The following PRICKLE2 variants were observed in gnomAD, a reference collection of about 807,000 sequenced individuals.
The protein encoded by PRICKLE2 is prickle-like protein 2.
Under a neutral mutation model 81.4 loss-of-function variants are expected in PRICKLE2, and 21 were observed. The ratio of observed to expected loss-of-function variants is 0.26; its 90% confidence interval spans 0.18 to 0.37. PRICKLE2 has a LOEUF of 0.37. PRICKLE2 is among the 10% of genes least tolerant of loss of function. The pLI, the probability that PRICKLE2 is intolerant of heterozygous loss-of-function variation, is 1.00. For synonymous variants in PRICKLE2, 456 were observed against 421.5 expected (o/e 1.08, Z -1.00); for missense variants, 940 against 1,109.0 (o/e 0.85, Z 2.16).
At chr3:64,100,288 G>A (rs1199640937) in intron 7 of PRICKLE2, 2 of 282,850 alleles carry the variant, frequency 7.1e-6, no homozygotes, top group African/African-American at 2.2e-5. Flanking sequence ...TTCTAATCAT[G>A]CACTATAAGC....
chr3:64,265,475 G>C (rs200721548), intron 2 of PRICKLE2, among the ~76,000 whole-genome samples: 2 of 152,278 alleles, frequency 1.3e-5, no homozygotes, highest in East Asian at 3.9e-4. Flanking sequence ...TGCTTAATGT[G>C]ACTGAGTACT....
chr3:64,265,232 C>A (rs1206783210), intron 2 of PRICKLE2, among the ~76,000 whole-genome samples: 1 of 152,118 alleles, frequency 6.6e-6, no homozygotes. Flanking sequence ...AAAAGAATTC[C>A]TCACCATTCA....
chr3:64,171,661 C>T (rs2077933867), intron 2 of PRICKLE2, among the ~76,000 whole-genome samples: 1 of 152,222 alleles, frequency 6.6e-6, no homozygotes, highest in African/African-American at 2.4e-5. Flanking sequence ...TCTTACCTTT[C>T]TAGCTGTCTG....
At chr3:64,175,224 AGAT>A (rs2078002881) in intron 2 of PRICKLE2, 1 of 157,054 alleles carries the variant, frequency 6.4e-6, no homozygotes, top group Admixed American at 6.5e-5. Context: ...AGCATTTCAA[AGAT>A]GATTATTTTT....
chr3:64,197,621 T>C (rs1361417759), intron 2 of PRICKLE2, among the ~76,000 whole-genome samples: 1 of 152,172 alleles, frequency 6.6e-6, no homozygotes, highest in East Asian at 1.9e-4. Context: ...AAATACTGCA[T>C]GTTCTCATGC....
chr3:64,164,428 C>T (rs776093693), intron 2 of PRICKLE2, among the ~76,000 whole-genome samples: 6 of 152,068 alleles, frequency 3.9e-5, no homozygotes, highest in Non-Finnish European at 7.4e-5. Flanking sequence ...TTTAGGGAGC[C>T]GTGGGTATGA....
At chr3:64,185,378 C>T (rs1323878074) in intron 2 of PRICKLE2, among the ~76,000 whole-genome samples, 1 of 152,160 alleles carries the variant, frequency 6.6e-6, no homozygotes, top group African/African-American at 2.4e-5. Flanking sequence ...AAGTCAGTCC[C>T]CAAGCTAGAT....
At chr3:64,135,714 ACACACACACG>A (rs932382939) in intron 7 of PRICKLE2, among the ~76,000 whole-genome samples, 6 of 130,936 alleles carry the variant, frequency 4.6e-5, no homozygotes, top group African/African-American at 1.6e-4. Flanking sequence ...ACACACACAC[ACACACACACG>A]CACACACACC....
At chr3:64,264,749 G>C (rs1220897828) in intron 2 of PRICKLE2, among the ~76,000 whole-genome samples, 1 of 152,152 alleles carries the variant, frequency 6.6e-6, no homozygotes, top group Non-Finnish European at 1.5e-5. Context: ...AGATCAAATA[G>C]TAGCTGTTTT....
chr3:64,144,518 C>T (rs887375832), intron 7 of PRICKLE2, among the ~76,000 whole-genome samples: 3 of 152,234 alleles, frequency 2.0e-5, no homozygotes, highest in African/African-American at 7.2e-5. Context: ...AGTGGCCGTC[C>T]CCTTCAAATG....
rs1319486626 is a variant in PRICKLE2, at chr3:64,198,999, A to G, written c.-40-32T>C. On this transcript the variant is annotated intron_variant, in intron 1 of 7. Coordinates refer to ENST00000638394, the MANE Select transcript of PRICKLE2 (RefSeq NM_198859.4). ...GCAGTAAAGGTAGAAGGTGAGAAAG[A>G]GGAAAAAACCTTTTTTTTTTTCCAA... The G allele has an allele frequency of 3.1e-6, 5 of 1,607,084 alleles. No individual in the cohort carries two copies. The Admixed American group carries it at 8.3e-5, about 27-fold the overall frequency.
rs1249073957 is a variant in PRICKLE2 at position 64,096,701 on chromosome 3, A to G, written c.*2350T>C. Reference sequence around the variant, plus strand: ...CTCCAGACCCCTCCGGGCACTGGCCATGTGTCAGTTTTTAGGCCACCTTCT... The same window carrying G: ...CTCCAGACCCCTCCGGGCACTGGCCGTGTGTCAGTTTTTAGGCCACCTTCT... On this transcript the variant is annotated 3_prime_UTR_variant, in exon 8 of 8. Coordinates refer to ENST00000638394, the MANE Select transcript of PRICKLE2 (RefSeq NM_198859.4). The G allele has an allele frequency of 6.6e-6, 1 of 152,534 alleles. No individual in the cohort carries two copies. The highest frequency in any genetic ancestry group is 1.5e-5 in the Non-Finnish European group (1 of 68,024). The allele number at this position is 152,534 out of a possible 1,614,324, so 9.4% of individuals were successfully genotyped here. A position where few individuals can be genotyped will look rare whatever the true frequency, so the allele number is the denominator to read the frequency against.
chr3:64,175,733 T>C (rs974636629), intron 2 of PRICKLE2, among the ~76,000 whole-genome samples: 3 of 152,192 alleles, frequency 2.0e-5, no homozygotes, highest in Non-Finnish European at 4.4e-5. Context: ...TTTTCTTTGC[T>C]GGTGTTCAAT....
intron 3 of PRICKLE2, among the ~76,000 whole-genome samples, chr3:64,161,668 A>G (rs1428423467): frequency 1.3e-5 from 2 of 151,508 alleles, no homozygotes; most frequent in Non-Finnish European, 2.9e-5. Context: ...ACAAACCACT[A>G]AAATCAGAGA....
At chr3:64,204,449 C>A (rs189546007) in intron 1 of PRICKLE2, among the ~76,000 whole-genome samples, 137 of 152,134 alleles carry the variant, frequency 9.0e-4, no homozygotes, top group Admixed American at 1.8e-3. Flanking sequence ...GTTGATCAAC[C>A]CTAAATAGTG....
At chr3:64,191,808 C>G (rs993236516) in intron 2 of PRICKLE2, among the ~76,000 whole-genome samples, 1 of 152,202 alleles carries the variant, frequency 6.6e-6, no homozygotes, top group South Asian at 2.1e-4. Context: ...CAAGGCTCTT[C>G]CCACTGGACC....
intron 2 of PRICKLE2, among the ~76,000 whole-genome samples, chr3:64,242,611 T>C (rs757452685): frequency 6.6e-6 from 1 of 152,270 alleles, no homozygotes; most frequent in Non-Finnish European, 1.5e-5. Context: ...TCCACTTCAG[T>C]GGACGACTTG....
chr3:64,262,972 G>C (rs1375448701), intron 2 of PRICKLE2, among the ~76,000 whole-genome samples: 4 of 152,152 alleles, frequency 2.6e-5, no homozygotes, highest in Admixed American at 6.5e-5. Context: ...AAGAGGTGAG[G>C]CTGAAAGGGG....
intron 2 of PRICKLE2, among the ~76,000 whole-genome samples, chr3:64,244,629 T>TGTGG (rs1457343440): frequency 2.0e-5 from 3 of 151,612 alleles, no homozygotes; most frequent in African/African-American, 7.3e-5. Context: ...TGTGTGTGTG[T>TGTGG]GTGTGTCTGA....
Sources: allele counts gnomAD v4.1 joint callset (sites outside exome capture counted in the v4.1 genomes callset), GRCh38; gene constraint gnomAD v4.1.1; transcripts MANE v1.5; gene names NCBI Gene and HGNC (gene_info 2026-07-23, HGNC 2026-07-21).